Variants in DIP2B observed in about 807,000 individuals in gnomAD.
DIP2B encodes the protein disco-interacting protein 2 homolog B.
Under a neutral mutation model 198.0 loss-of-function variants are expected in DIP2B, and 76 were observed. The ratio of observed to expected loss-of-function variants is 0.38; its 90% CI spans 0.32 to 0.46. The LOEUF is 0.46. DIP2B is among the 20% of genes least tolerant of loss of function. The pLI, the probability that DIP2B is intolerant of heterozygous loss-of-function variation, is 0.99. For missense variants in DIP2B, 1,559 were observed against 1,978.4 expected (o/e 0.79, Z 4.02); for synonymous variants, 701 against 739.1 (o/e 0.95, Z 0.84).
intron 22 of DIP2B, among the ~76,000 whole-genome samples, chr12:50,710,477 G>A (rs1939595806): frequency 6.6e-6 from 1 of 151,850 alleles, no homozygotes. Flanking sequence ...AGGGTAGAGT[G>A]CAATGGCACG....
chr12:50,588,821 T>A (rs570000846), intron 1 of DIP2B, among the ~76,000 whole-genome samples: 7 of 152,300 alleles, frequency 4.6e-5, no homozygotes, highest in Non-Finnish European at 1.0e-4. Flanking sequence ...ATCTCTTAAT[T>A]TCCAGAATTT....
At chr12:50,539,236 CTTT>C (rs11336743) in intron 1 of DIP2B, among the ~76,000 whole-genome samples, 7 of 135,350 alleles carry the variant, frequency 5.2e-5, no homozygotes, top group Admixed American at 1.5e-4. Flanking sequence ...TTTCTTTTTT[CTTT>C]TTTTTTTTTT....
intron 1 of DIP2B, among the ~76,000 whole-genome samples, chr12:50,623,098 T>C (rs1397667067): frequency 6.6e-6 from 1 of 151,966 alleles, no homozygotes; most frequent in Non-Finnish European, 1.5e-5. Context: ...CTAAAGTATA[T>C]AAAACAGGCC....
In DIP2B at chr12:50,704,210, T is replaced by A; in HGVS notation, c.2396T>A (p.Phe799Tyr). 1 of 1,610,586 alleles carries A rather than the reference T, an allele frequency of 6.2e-7. No individual in the cohort carries two copies. Among genetic ancestry groups the A allele is most frequent in the South Asian group, 1.1e-5 (1 of 90,130 alleles). The change falls in exon 20 of 38, where the codon TTT becomes TAT. Residue 799 changes from phenylalanine (F) to tyrosine (Y), a missense_variant. Coordinates refer to ENST00000301180, the MANE Select transcript of DIP2B (RefSeq NM_173602.3). ...TTCATCCGATCAGGATTGCTGGGGT[T>A]TGTAGGGCCGGTAAGTGATGCTTTC... ...VPFIRSGLLG[F>Y]VGPGSLVFVV...
At chr12:50,605,857 T>C (rs1393577340) in intron 1 of DIP2B, among the ~76,000 whole-genome samples, 1 of 152,170 alleles carries the variant, frequency 6.6e-6, no homozygotes, top group Non-Finnish European at 1.5e-5. Flanking sequence ...GTTTCACTCT[T>C]GTTGCCCAGG....
chr12:50,638,830 T>G (rs913844168), intron 2 of DIP2B, among the ~76,000 whole-genome samples: 9 of 151,360 alleles, frequency 5.9e-5, no homozygotes, highest in African/African-American at 2.2e-4. Context: ...TGAGTAGCCC[T>G]TATCTGAAAT....
chr12:50,671,299 G>A lies in DIP2B; in HGVS notation c.541G>A (p.Gly181Arg). Residue 181 changes from glycine to arginine, a missense_variant, in exon 5 of 38, where the codon GGA becomes AGA. By Grantham distance (125) the Gly-to-Arg change is moderately radical. Coordinates refer to ENST00000301180, the MANE Select transcript of DIP2B (RefSeq NM_173602.3). The part of the protein sequence containing the change: ...AESWINRSIQ[G>R]SSTSSSASST... ...GTCCTGGATCAACCGTTCAATTCAG[G>A]GATCGTCCACTTCTTCATCCGCATC... 1.2e-6 allele frequency: 2 copies of A among 1,614,130 alleles called. No homozygotes were observed. Among genetic ancestry groups the A allele is most frequent in the East Asian group, 2.2e-5 (1 of 44,884 alleles).
chr12:50,517,955 T>C (rs923736533), intron 1 of DIP2B, among the ~76,000 whole-genome samples: 1 of 152,220 alleles, frequency 6.6e-6, no homozygotes, highest in Non-Finnish European at 1.5e-5. Flanking sequence ...TCATCAGTTA[T>C]TGAGAGCTTA....
rs772715762 is a variant in DIP2B at position 50,699,102 on chromosome 12, A to G, written c.2225A>G (p.Gln742Arg). 1.9e-6 allele frequency: 3 copies of G among 1,614,192 alleles called. No homozygotes were observed. In the South Asian group the frequency reaches 3.3e-5, roughly 18 times the overall value. The change falls in exon 19 of 38, where the codon CAG (glutamine) becomes CGG (arginine). Residue 742 changes from glutamine (Q) to arginine (R), a missense_variant. Transcript: ENST00000301180. ...MCIVKPDGPPQLCKTDEIGEI... is the reference protein window; with the variant it reads ...MCIVKPDGPPRLCKTDEIGEI... ...ATTGTGAAACCAGATGGACCTCCCCAGCTCTGCAAAACAGATGAAATTGGA... is the reference window on the plus strand; with the variant it reads ...ATTGTGAAACCAGATGGACCTCCCCGGCTCTGCAAAACAGATGAAATTGGA...
At chr12:50,680,568 G>A in intron 8 of DIP2B, 104 bp from the exon 9 acceptor site, 1 of 985,616 alleles carries the variant, frequency 1.0e-6, no homozygotes, top group Non-Finnish European at 1.6e-6. Context: ...ATTTGGAAGT[G>A]GCCATTGTCT....
intron 1 of DIP2B, among the ~76,000 whole-genome samples, chr12:50,527,953 A>C (rs1162999355): frequency 6.8e-6 from 1 of 146,730 alleles, no homozygotes; most frequent in Non-Finnish European, 1.5e-5. Context: ...TTGGAGACAG[A>C]GTCTTAGTCT....
At chr12:50,655,786 C>G (rs562300934) in intron 3 of DIP2B, among the ~76,000 whole-genome samples, 54 of 152,276 alleles carry the variant, frequency 3.5e-4, no homozygotes, top group African/African-American at 1.3e-3. Flanking sequence ...TTGAGAGCAA[C>G]CTGGGCAACA....
At position 50,685,896 on chromosome 12, in the gene DIP2B, A is replaced by G; in HGVS notation, c.1381A>G (p.Ser461Gly). Residue 461 changes from serine (S) to glycine (G), a missense_variant, in exon 11 of 38, where the codon AGT becomes GGT. Ser to Gly is a moderately conservative substitution (Grantham distance 56, BLOSUM62 0). Coordinates refer to ENST00000301180, the MANE Select transcript of DIP2B (RefSeq NM_173602.3). The part of the protein sequence containing the change: ...GSCGIALALT[S>G]EVCLKGLPKT... ...CTGTGGTATTGCCTTAGCTCTTACC[A>G]GTGAAGTTTGTCTAAAAGGACTGCC... 1 of 1,614,044 alleles carries G rather than the reference A, an allele frequency of 6.2e-7. No homozygotes were observed. The highest frequency in any genetic ancestry group is 2.2e-5 in the East Asian group (1 of 44,872).
chr12:50,526,931 C>G (rs1043491590), intron 1 of DIP2B, among the ~76,000 whole-genome samples: 7 of 152,122 alleles, frequency 4.6e-5, no homozygotes, highest in Admixed American at 4.6e-4. Flanking sequence ...CCACTGCACC[C>G]GGCCTTTTTT....
At position 50,695,374 on chromosome 12, in the gene DIP2B, A is replaced by G. The variant is rs767467882; in HGVS notation, c.1813+14A>G. 4.4e-6 allele frequency: 7 copies of G among 1,595,828 alleles called. No homozygotes were observed. Among genetic ancestry groups the G allele is most frequent in the Non-Finnish European group, 4.3e-6 (5 of 1,167,544 alleles). Reference sequence around the variant, plus strand: ...ATGCTCACAAAGGTAGTCACCTGCAACATCTGAGCTTTAATTATGTGACTG... The same window carrying G: ...ATGCTCACAAAGGTAGTCACCTGCAGCATCTGAGCTTTAATTATGTGACTG... On this transcript the variant is annotated intron_variant, in intron 15 of 37. Coordinates refer to ENST00000301180, the MANE Select transcript of DIP2B (RefSeq NM_173602.3).
intron 1 of DIP2B, among the ~76,000 whole-genome samples, chr12:50,593,430 G>A (rs1174300304): frequency 6.6e-6 from 1 of 151,888 alleles, no homozygotes; most frequent in Non-Finnish European, 1.5e-5. Flanking sequence ...ACTTGAACCC[G>A]GGAGGCGGAG....
chr12:50,660,324 G>T lies in DIP2B; in HGVS notation c.427+5G>T. 6.3e-7 allele frequency: 1 copy of T among 1,594,450 alleles called. No homozygotes were observed. The highest frequency in any genetic ancestry group is 8.5e-7 in the Non-Finnish European group (1 of 1,172,366). ...CAGATGCCTGCACACCTCCTGGTAG[G>T]TTTATCAGAGCTTTTTCTCTCTGAC... is the stretch of plus-strand genomic sequence containing the variant. On this transcript the variant is annotated splice_donor_5th_base_variant and intron_variant, in intron 4 of 37. Transcript: ENST00000301180.
chr12:50,646,946 C>T (rs1938361142), intron 3 of DIP2B, among the ~76,000 whole-genome samples: 1 of 151,096 alleles, frequency 6.6e-6, no homozygotes. Context: ...GTTCAGCAAG[C>T]ATTTATTGTA....
intron 9 of DIP2B, among the ~76,000 whole-genome samples, chr12:50,682,544 G>A (rs1191112282): frequency 6.6e-6 from 1 of 150,498 alleles, no homozygotes; most frequent in Non-Finnish European, 1.5e-5. Flanking sequence ...CAGGAGAATG[G>A]CGTGAACCCA....
Sources: gnomAD v4.1 joint callset for allele counts (sites outside exome capture counted in the v4.1 genomes callset) on GRCh38, gnomAD v4.1.1 for gene constraint, MANE v1.5 for transcripts, NCBI Gene and HGNC (gene_info 2026-07-23, HGNC 2026-07-21) for gene names.